PCSK2: variants seen among roughly 807,000 people sequenced by gnomAD.
The protein encoded by PCSK2 is proprotein convertase subtilisin/kexin type 2.
PCSK2 carries 14 observed loss-of-function variants against 69.7 expected under a neutral mutation model. The observed-to-expected ratio is 0.20, with a 90% CI of 0.13 to 0.31. The LOEUF (loss-of-function observed/expected upper bound fraction) is 0.31, where lower values mean the gene tolerates loss of function less well. Among genes scored for constraint, PCSK2 ranks in the 10% least tolerant of loss-of-function variants. The probability of loss-of-function intolerance (pLI) is 1.00; values close to 1 mark genes in which losing one functional copy is unlikely to be tolerated. For synonymous variants in PCSK2, 307 were observed against 320.7 expected (o/e 0.96, Z 0.46); for missense variants, 544 against 842.5 (o/e 0.65, Z 4.39).
At chr20:17,458,991 T>TA (rs2032969313) in intron 10 of PCSK2, among the ~76,000 whole-genome samples, 1 of 151,964 alleles carries the variant, frequency 6.6e-6, no homozygotes, top group African/African-American at 2.4e-5. Context: ...GCTCGAGGGG[T>TA]AGATGTCATA....
intron 2 of PCSK2, among the ~76,000 whole-genome samples, chr20:17,268,953 T>C (rs1568577161): frequency 1.3e-5 from 2 of 152,128 alleles, no homozygotes; most frequent in East Asian, 1.9e-4. Context: ...AGATGAGGAA[T>C]GGGAGAGGAA....
intron 5 of PCSK2, among the ~76,000 whole-genome samples, chr20:17,380,203 A>C (rs912691458): frequency 6.6e-6 from 1 of 152,254 alleles, no homozygotes; most frequent in African/African-American, 2.4e-5. Context: ...TACAGCAATA[A>C]AAAAACTAAT....
intron 2 of PCSK2, among the ~76,000 whole-genome samples, chr20:17,346,069 C>A (rs767362056): frequency 6.6e-6 from 1 of 152,206 alleles, no homozygotes; most frequent in Non-Finnish European, 1.5e-5. Context: ...ATGAGGCCCC[C>A]CTCCGGCACA....
At chr20:17,447,974 C>T (rs1483363138) in intron 8 of PCSK2, among the ~76,000 whole-genome samples, 4 of 152,090 alleles carry the variant, frequency 2.6e-5, no homozygotes, top group African/African-American at 9.7e-5. Context: ...CAAAATATCA[C>T]CAGTGATTAT....
intron 2 of PCSK2, among the ~76,000 whole-genome samples, chr20:17,300,217 TC>T (rs1021689234): frequency 1.3e-5 from 2 of 152,192 alleles, no homozygotes; most frequent in African/African-American, 4.8e-5. Flanking sequence ...TCTCCACAGT[TC>T]ACTGGCTACA....
rs117703427 is a variant in PCSK2, at chr20:17,398,305, G to A, written c.544-10958G>A. ...TTTAGGAGGCCAAGGTGGGAGGGTC[G>A]CTTGAGGCCAGGAATTTGAGACCAG... On this transcript the variant is annotated intron_variant, in intron 5 of 11. Coordinates refer to ENST00000262545, the MANE Select transcript of PCSK2 (RefSeq NM_002594.5). Among the ~76,000 whole-genome samples, 116 of 152,098 alleles carry A rather than the reference G, an allele frequency of 7.6e-4. 1 individual carries two copies. The East Asian group carries it at 0.021, about 27-fold the overall frequency.
At chr20:17,449,266 A>C (rs2123373035) in intron 8 of PCSK2, among the ~76,000 whole-genome samples, 1 of 152,210 alleles carries the variant, frequency 6.6e-6, no homozygotes, top group South Asian at 2.1e-4. Context: ...CCCAGCAGAC[A>C]GCCCCACCCA....
At chr20:17,343,403 T>TTCACTA (rs759636464) in intron 2 of PCSK2, among the ~76,000 whole-genome samples, 1 of 152,236 alleles carries the variant, frequency 6.6e-6, no homozygotes, top group Non-Finnish European at 1.5e-5. Context: ...GGCCTCTGTT[T>TTCACTA]TCACTATCTG....
intron 10 of PCSK2, among the ~76,000 whole-genome samples, chr20:17,462,914 G>T (rs1264732445): frequency 1.3e-5 from 2 of 152,136 alleles, no homozygotes; most frequent in African/African-American, 2.4e-5. Context: ...ATTAAAGCAG[G>T]TTGATGAAAT....
At chr20:17,457,693 G>T (rs565713072) in intron 10 of PCSK2, among the ~76,000 whole-genome samples, 1 of 152,300 alleles carries the variant, frequency 6.6e-6, no homozygotes, top group Admixed American at 6.5e-5. Context: ...TCATCTCAGG[G>T]TCTGAGTGGG....
rs1311858779 is a variant in PCSK2, at chr20:17,482,287, G to A, written c.*217G>A. The A allele has an allele frequency of 8.5e-6, 2 of 236,596 alleles. No homozygotes were observed. The highest frequency in any genetic ancestry group is 4.8e-5 in the African/African-American group (2 of 41,364). The allele number at this position is 236,596 out of a possible 1,614,324, so 14.7% of individuals were successfully genotyped here. A position where few individuals can be genotyped will look rare whatever the true frequency, so the allele number is the denominator to read the frequency against. ...ATATAGCGTTCCCAACAACATCCAT[G>A]TCCTATGTGTGACTCTAAATTCTTT... On this transcript the variant is annotated 3_prime_UTR_variant, in exon 12 of 12. Coordinates refer to ENST00000262545, the MANE Select transcript of PCSK2 (RefSeq NM_002594.5).
At chr20:17,431,157 G>A (rs572785830) in intron 7 of PCSK2, among the ~76,000 whole-genome samples, 4 of 152,302 alleles carry the variant, frequency 2.6e-5, no homozygotes, top group African/African-American at 9.6e-5. Flanking sequence ...AGACAGGAAA[G>A]GAATGGAGGC....
At chr20:17,376,074 G>A (rs998522279) in intron 5 of PCSK2, among the ~76,000 whole-genome samples, 2 of 152,196 alleles carry the variant, frequency 1.3e-5, no homozygotes, top group African/African-American at 4.8e-5. Flanking sequence ...CATTAGAAGG[G>A]CATTCCCAGG....
chr20:17,260,782 T>C (rs1987351349), intron 2 of PCSK2, among the ~76,000 whole-genome samples: 1 of 152,198 alleles, frequency 6.6e-6, no homozygotes, highest in Non-Finnish European at 1.5e-5. Flanking sequence ...AGCCAGTCAG[T>C]GAGCAGCTCA....
intron 2 of PCSK2, among the ~76,000 whole-genome samples, chr20:17,349,870 T>A (rs565343340): frequency 6.6e-6 from 1 of 152,296 alleles, no homozygotes; most frequent in African/African-American, 2.4e-5. Flanking sequence ...CCCTAGCAAC[T>A]CTCAGTTCCC....
intron 2 of PCSK2, among the ~76,000 whole-genome samples, chr20:17,266,261 G>A (rs1600426434): frequency 6.6e-6 from 1 of 152,172 alleles, no homozygotes; most frequent in South Asian, 2.1e-4. Context: ...AGTTGGCCTC[G>A]GTTCCCTGGT....
chr20:17,323,595 A>G (rs147672545), intron 2 of PCSK2, among the ~76,000 whole-genome samples: 127 of 152,362 alleles, frequency 8.3e-4, no homozygotes, highest in African/African-American at 2.9e-3. Context: ...TACAAAACCA[A>G]GTTCTGCATA....
intron 1 of PCSK2, among the ~76,000 whole-genome samples, chr20:17,241,327 A>G (rs1373872191): frequency 6.6e-6 from 1 of 152,186 alleles, no homozygotes; most frequent in African/African-American, 2.4e-5. Flanking sequence ...CTGGGAGATG[A>G]GGCCAAAGAA....
At chr20:17,464,951 C>G (rs556310130) in intron 10 of PCSK2, 32 of 295,646 alleles carry the variant, frequency 1.1e-4, no homozygotes, top group Admixed American at 7.3e-4. Flanking sequence ...GAAGATACAG[C>G]CAAACAGTTT....
Sources: allele counts gnomAD v4.1 joint callset (sites outside exome capture counted in the v4.1 genomes callset), GRCh38; gene constraint gnomAD v4.1.1; transcripts MANE v1.5; gene names NCBI Gene and HGNC (gene_info 2026-07-23, HGNC 2026-07-21).